ALMS1: variants seen among roughly 807,000 people sequenced by gnomAD.
ALMS1 encodes the protein centrosome-associated protein ALMS1.
ALMS1 carries 271 observed loss-of-function variants against 352.2 expected under a neutral mutation model. The ratio of observed to expected loss-of-function variants is 0.77; its 90% CI spans 0.70 to 0.85. The LOEUF (loss-of-function observed/expected upper bound fraction) is 0.85, where lower values mean the gene tolerates loss of function less well. Ranked by LOEUF, ALMS1 falls within the 40% of genes least tolerant of loss-of-function variation. The pLI is 0.00. For missense variants in ALMS1, 5,445 were observed against 4,870.7 expected, an observed-to-expected ratio of 1.12 and a Z score of -3.51; for synonymous variants, 1,865 against 1,761.2, an observed-to-expected ratio of 1.06 and a Z score of -1.48.
intron 7 of ALMS1, among the ~76,000 whole-genome samples, chr2:73,437,817 A>T (rs1251929822): frequency 6.6e-6 from 1 of 152,146 alleles, no homozygotes; most frequent in Non-Finnish European, 1.5e-5. Context: ...TACTCAGTGG[A>T]GAGGCTTCCT....
intron 6 of ALMS1, among the ~76,000 whole-genome samples, chr2:73,431,929 A>C (rs1671508109): frequency 6.6e-6 from 1 of 152,206 alleles, no homozygotes; most frequent in Non-Finnish European, 1.5e-5. Context: ...TTATCTAGAC[A>C]GATTTCTAAG....
intron 9 of ALMS1, among the ~76,000 whole-genome samples, chr2:73,464,198 A>G (rs1215447157): frequency 6.6e-6 from 1 of 152,216 alleles, no homozygotes; most frequent in Admixed American, 6.5e-5. Context: ...AATCCTCAAT[A>G]AAATACTGGC....
At chr2:73,479,236 C>T (rs748991029) in intron 9 of ALMS1, among the ~76,000 whole-genome samples, 2 of 152,160 alleles carry the variant, frequency 1.3e-5, no homozygotes, top group Non-Finnish European at 1.5e-5. Flanking sequence ...CACCCAATTT[C>T]CCCAAGTGGT....
chr2:73,447,940 A>C lies in ALMS1; in HGVS notation c.1433-20A>C, dbSNP rs1297015095. Reference sequence around the variant, plus strand: ...AAATAGAAAATTTTATATACTATTAACAAATCTCTTTTTCTTTAGGAGACA... The same window carrying C: ...AAATAGAAAATTTTATATACTATTACCAAATCTCTTTTTCTTTAGGAGACA... On this transcript the variant is annotated intron_variant, in intron 7 of 22. Coordinates refer to ENST00000613296, the MANE Select transcript of ALMS1 (RefSeq NM_001378454.1). 1 of 1,593,932 alleles carries C rather than the reference A, an allele frequency of 6.3e-7. No homozygotes were observed. Among genetic ancestry groups the C allele is most frequent in the Admixed American group, 1.7e-5 (1 of 57,460 alleles).
At chr2:73,553,973 C>G (rs1674490681) in intron 13 of ALMS1, among the ~76,000 whole-genome samples, 1 of 152,012 alleles carries the variant, frequency 6.6e-6, no homozygotes, top group Non-Finnish European at 1.5e-5. Flanking sequence ...GATATTGATC[C>G]TAGAATAAAT....
intron 1 of ALMS1, among the ~76,000 whole-genome samples, chr2:73,401,316 G>T (rs1301482863): frequency 6.6e-6 from 1 of 152,052 alleles, no homozygotes; most frequent in African/African-American, 2.4e-5. Context: ...TAAGTTGGAA[G>T]CTTTGATAAT....
chr2:73,420,786 TG>T (rs1671267839), intron 3 of ALMS1, among the ~76,000 whole-genome samples: 1 of 152,226 alleles, frequency 6.6e-6, no homozygotes, highest in African/African-American at 2.4e-5. Flanking sequence ...AGTAGATTCC[TG>T]GATCTCATAG....
intron 7 of ALMS1, among the ~76,000 whole-genome samples, chr2:73,443,063 C>T (rs910253022): frequency 2.6e-5 from 4 of 152,294 alleles, no homozygotes; most frequent in South Asian, 2.1e-4. Flanking sequence ...CTCCCATTCT[C>T]TTTTCTGAAT....
At chr2:73,494,865 C>T (rs1461996658) in intron 10 of ALMS1, among the ~76,000 whole-genome samples, 1 of 152,166 alleles carries the variant, frequency 6.6e-6, no homozygotes, top group African/African-American at 2.4e-5. Context: ...TACAAATAAC[C>T]TGTTTCTGCT....
chr2:73,444,543 G>T (rs1671772136), intron 7 of ALMS1, among the ~76,000 whole-genome samples: 1 of 152,098 alleles, frequency 6.6e-6, no homozygotes, highest in African/African-American at 2.4e-5. Flanking sequence ...AACAAAATTA[G>T]GAATTAAATT....
chr2:73,520,433 T>C (rs1025677068), intron 11 of ALMS1, among the ~76,000 whole-genome samples: 1 of 152,208 alleles, frequency 6.6e-6, no homozygotes, highest in Admixed American at 6.5e-5. Flanking sequence ...AACAAATAGA[T>C]GCATAAACAT....
intron 9 of ALMS1, among the ~76,000 whole-genome samples, chr2:73,489,255 T>G (rs963006403): frequency 3.3e-5 from 5 of 152,220 alleles, no homozygotes; most frequent in Admixed American, 6.5e-5. Context: ...GTAATGTGGT[T>G]ACAACTAGCT....
At chr2:73,396,794 G>A (rs1168017304) in intron 1 of ALMS1, among the ~76,000 whole-genome samples, 1 of 151,694 alleles carries the variant, frequency 6.6e-6, no homozygotes, top group African/African-American at 2.4e-5. Flanking sequence ...ACAGGCGCCT[G>A]CCACCACGCC....
At chr2:73,476,909 A>G (rs1278963254) in intron 9 of ALMS1, among the ~76,000 whole-genome samples, 2 of 152,158 alleles carry the variant, frequency 1.3e-5, no homozygotes, top group South Asian at 2.1e-4. Context: ...TAGCAAAACA[A>G]ACTGATATAA....
At chr2:73,548,332 C>T (rs183726664) in intron 12 of ALMS1, among the ~76,000 whole-genome samples, 3 of 152,282 alleles carry the variant, frequency 2.0e-5, no homozygotes, top group East Asian at 1.9e-4. Flanking sequence ...AATCTATACT[C>T]GCACATACTA....
chr2:73,449,926 G>T lies in ALMS1; in HGVS notation c.3399G>T (p.Lys1133Asn), dbSNP rs376683428. Residue 1133 changes from lysine to asparagine, a missense_variant, in exon 8 of 23, where the codon AAG (lysine) becomes AAT (asparagine). By Grantham distance (94) the Lys-to-Asn change is moderately conservative (BLOSUM62 0). Transcript: ENST00000613296. ...TAGCTCCTGGACTAGCAGACCAGAA[G>T]ACTGGCACACCAACTGTAACCTCAA... ...ISVAPGLADQ[K>N]TGTPTVTSTS... 2.0e-5 allele frequency: 32 copies of T among 1,613,870 alleles called. No homozygotes were observed. The highest frequency in any genetic ancestry group is 2.7e-5 in the Non-Finnish European group (32 of 1,179,946).
chr2:73,595,050 C>T (rs1675516746), intron 16 of ALMS1, among the ~76,000 whole-genome samples: 2 of 152,140 alleles, frequency 1.3e-5, no homozygotes. Flanking sequence ...TCTTTTCTGC[C>T]ACACCCTTCC....
intron 16 of ALMS1, among the ~76,000 whole-genome samples, chr2:73,590,966 G>A (rs769807050): frequency 7.9e-5 from 12 of 151,820 alleles, no homozygotes; most frequent in Non-Finnish European, 1.5e-4. Flanking sequence ...GTGAGCCACC[G>A]CGCCCGGCCC....
chr2:73,412,286 A>G (rs1671094451), intron 2 of ALMS1, among the ~76,000 whole-genome samples: 1 of 152,168 alleles, frequency 6.6e-6, no homozygotes, highest in African/African-American at 2.4e-5. Flanking sequence ...GCAACTACTT[A>G]TCCAATTTCT....
Sources: allele counts gnomAD v4.1 joint callset (sites outside exome capture counted in the v4.1 genomes callset), GRCh38; gene constraint gnomAD v4.1.1; transcripts MANE v1.5; gene names NCBI Gene and HGNC (gene_info 2026-07-23, HGNC 2026-07-21).